RGS7: variants seen among roughly 807,000 people sequenced by gnomAD.
RGS7 encodes the protein regulator of G-protein signaling 7.
In RGS7, 27 loss-of-function variants were observed where a neutral mutation model predicts 81.1. That is an observed-to-expected ratio of 0.33 (90% confidence interval 0.25 to 0.46). RGS7 has a LOEUF of 0.46. Among genes scored for constraint, RGS7 ranks in the 20% least tolerant of loss-of-function variants. RGS7 has a pLI of 1.00. For synonymous variants in RGS7, 208 were observed against 207.7 expected, an observed-to-expected ratio of 1.00 and a Z score of -0.01; for missense variants, 396 against 607.4, an observed-to-expected ratio of 0.65 and a Z score of 3.66.
chr1:241,344,783 C>T (rs1439859862), intron 2 of RGS7, among the ~76,000 whole-genome samples: 1 of 152,154 alleles, frequency 6.6e-6, no homozygotes, highest in Non-Finnish European at 1.5e-5. Context: ...CACAGTAAAT[C>T]CCTGAGGAGT....
At chr1:240,823,378 C>T (rs901571955) in intron 10 of RGS7, 11 of 455,130 alleles carry the variant, frequency 2.4e-5, no homozygotes, top group East Asian at 5.1e-5. Context: ...CGGCCTGGAG[C>T]CACGGCCGAA....
chr1:240,813,504 T>G, intron 13 of RGS7, 114 bp downstream of exon 13: 2 of 725,414 alleles, frequency 2.8e-6, no homozygotes, highest in Admixed American at 2.0e-5. Flanking sequence ...TATAGGCCAA[T>G]GTAGATAAAG....
intron 2 of RGS7, among the ~76,000 whole-genome samples, chr1:241,351,767 C>T (rs10754724): frequency 0.85 from 128,635 of 152,152 alleles, 54,839 homozygotes; most frequent in East Asian, 0.94. Flanking sequence ...GGGTGAGGAA[C>T]AGTGAACTTG....
intron 2 of RGS7, among the ~76,000 whole-genome samples, chr1:241,352,491 A>G: frequency 6.6e-6 from 1 of 152,334 alleles, no homozygotes; most frequent in Non-Finnish European, 1.5e-5. Flanking sequence ...AAGGCAAATA[A>G]TTTGCCTATA....
rs200770896 is a variant in RGS7, at chr1:241,147,780, TTATATATATATATA to T, written c.79-49032_79-49019del. Among the ~76,000 whole-genome samples the T allele has an allele frequency of 2.2e-3, 97 of 44,646 alleles. 2 individuals carry two copies. Among genetic ancestry groups the T allele is most frequent in the East Asian group, 4.9e-3 (6 of 1,228 alleles). The allele number at this position is 44,646 out of a possible 152,430, so 29.3% of individuals were successfully genotyped here. A position where few individuals can be genotyped will look rare whatever the true frequency, so the allele number is the denominator to read the frequency against. On this transcript the variant is annotated intron_variant, in intron 2 of 18. Coordinates refer to ENST00000440928, the MANE Select transcript of RGS7 (RefSeq NM_001364886.1). ...TTAAATATCCCATCTAGATTAAGTT[TTATATATATATATA>T]TATATATATATATATATATATATAT...
rs534260052 is a variant in RGS7, at chr1:241,242,770, TTCACA to T, written c.78+112924_78+112928del. ...TTTTTTCATATGTTTCTTGGCCATT[TTCACA>T]TCTTCTTTTGAGAATTGTCTATTCA... On this transcript the variant is annotated intron_variant, in intron 2 of 18. Transcript: ENST00000440928. Among the ~76,000 whole-genome samples, 54 of 152,368 alleles carry T rather than the reference TTCACA, an allele frequency of 3.5e-4. No individual in the cohort carries two copies. The South Asian group carries it at 9.5e-3, about 27-fold the overall frequency.
chr1:241,347,634 A>G (rs10926463), intron 2 of RGS7, among the ~76,000 whole-genome samples: 14,491 of 152,160 alleles, frequency 0.095, 901 homozygotes, highest in South Asian at 0.24. Flanking sequence ...GAATTGAAAT[A>G]CTTTCAACAT....
intron 2 of RGS7, among the ~76,000 whole-genome samples, chr1:241,314,120 T>C (rs892355717): frequency 1.3e-5 from 2 of 152,250 alleles, no homozygotes; most frequent in East Asian, 1.9e-4. Flanking sequence ...TACATAAGCA[T>C]AGTTAATAAA....
intron 2 of RGS7, among the ~76,000 whole-genome samples, chr1:241,349,663 T>C (rs4660068): frequency 0.62 from 93,741 of 152,108 alleles, 31,548 homozygotes; most frequent in East Asian, 0.76. Flanking sequence ...GCACCCACTC[T>C]ATCATCTACA....
chr1:241,108,155 G>A (rs2065252409), intron 2 of RGS7, among the ~76,000 whole-genome samples: 1 of 151,808 alleles, frequency 6.6e-6, no homozygotes, highest in Admixed American at 6.6e-5. Context: ...AATACAAAAA[G>A]TAGCTGGGCG....
chr1:240,802,104 C>T (rs1231693879), intron 16 of RGS7, among the ~76,000 whole-genome samples: 1 of 152,106 alleles, frequency 6.6e-6, no homozygotes. Context: ...GTATCCATTT[C>T]TAGTTGTAAA....
At chr1:241,075,671 C>T (rs574267959) in intron 3 of RGS7, among the ~76,000 whole-genome samples, 25 of 152,294 alleles carry the variant, frequency 1.6e-4, no homozygotes, top group African/African-American at 6.0e-4. Context: ...CATTCAAAGT[C>T]ATTCTGGGCC....
At chr1:241,104,018 G>A (rs1276335230) in intron 2 of RGS7, among the ~76,000 whole-genome samples, 1 of 152,198 alleles carries the variant, frequency 6.6e-6, no homozygotes. Flanking sequence ...AATCCTGACT[G>A]TACTACTTAC....
At chr1:240,900,414 T>C (rs1240964899) in intron 6 of RGS7, among the ~76,000 whole-genome samples, 2 of 152,178 alleles carry the variant, frequency 1.3e-5, no homozygotes, top group East Asian at 3.9e-4. Context: ...TTACTCCCCA[T>C]CTTTGTGGTT....
intron 9 of RGS7, among the ~76,000 whole-genome samples, chr1:240,843,403 C>T (rs1658479994): frequency 6.6e-6 from 1 of 151,972 alleles, no homozygotes; most frequent in South Asian, 2.1e-4. Flanking sequence ...GTAGCTGAGA[C>T]TACAGGTGTG....
intron 6 of RGS7, among the ~76,000 whole-genome samples, chr1:240,879,281 T>C (rs1056420169): frequency 6.6e-6 from 1 of 152,232 alleles, no homozygotes; most frequent in African/African-American, 2.4e-5. Context: ...CTTTTTACCT[T>C]GGATTATTTT....
At chr1:241,234,232 C>A (rs1273441400) in intron 2 of RGS7, among the ~76,000 whole-genome samples, 1 of 152,190 alleles carries the variant, frequency 6.6e-6, no homozygotes, top group African/African-American at 2.4e-5. Context: ...TCTTGAGAAA[C>A]CTGTGTCACC....
intron 2 of RGS7, among the ~76,000 whole-genome samples, chr1:241,273,180 C>CA: frequency 8.6e-6 from 1 of 115,960 alleles, no homozygotes; most frequent in Non-Finnish European, 2.0e-5. Context: ...AATGAACCCC[C>CA]CCCCCCAAAG....
At chr1:241,044,526 A>C (rs146512097) in intron 3 of RGS7, among the ~76,000 whole-genome samples, 65 of 152,294 alleles carry the variant, frequency 4.3e-4, no homozygotes, top group African/African-American at 1.5e-3. Context: ...AGGCTCAGGC[A>C]ATCCTCCCAT....
Sources: allele counts gnomAD v4.1 joint callset (sites outside exome capture counted in the v4.1 genomes callset), GRCh38; gene constraint gnomAD v4.1.1; transcripts MANE v1.5; gene names NCBI Gene and HGNC (gene_info 2026-07-23, HGNC 2026-07-21).